LRRC27: variants seen among roughly 807,000 people sequenced by gnomAD.
LRRC27 encodes leucine-rich repeat-containing protein 27.
Under a neutral mutation model 55.0 loss-of-function variants are expected in LRRC27, and 57 were observed. That is an observed-to-expected ratio of 1.04 (90% CI 0.84 to 1.29). The LOEUF (loss-of-function observed/expected upper bound fraction) is 1.29. Ranked by LOEUF, LRRC27 falls within the 50% of genes most tolerant of loss-of-function variation. LRRC27 has a pLI of 0.00. For synonymous variants in LRRC27, 278 were observed against 251.9 expected (o/e 1.10, Z -0.98); for missense variants, 721 against 651.5 (o/e 1.11, Z -1.16).
At chr10:132,363,437 C>T (rs1321477772) in intron 9 of LRRC27, among the ~76,000 whole-genome samples, 1 of 152,180 alleles carries the variant, frequency 6.6e-6, no homozygotes, top group Non-Finnish European at 1.5e-5. Flanking sequence ...CAGGCTGACA[C>T]GGAGCCTCAG....
At chr10:132,364,818 C>A (rs79580845) in intron 9 of LRRC27, among the ~76,000 whole-genome samples, 71 of 11,708 alleles carry the variant, frequency 6.1e-3, no homozygotes, top group African/African-American at 0.018. Context: ...TTACACCCAC[C>A]CTTACATCTA....
chr10:132,347,885 A>AC, intron 5 of LRRC27, 99 bp from the exon 6 acceptor site: 2 of 1,435,582 alleles, frequency 1.4e-6, no homozygotes, highest in Admixed American at 4.5e-5. Context: ...GGATCTGGGC[A>AC]CCCCACCCCC....
chr10:132,338,713 T>TC (rs1371425717), intron 3 of LRRC27, among the ~76,000 whole-genome samples: 1 of 148,870 alleles, frequency 6.7e-6, no homozygotes, highest in African/African-American at 2.5e-5. Flanking sequence ...TTTCTTTCTT[T>TC]TTTTTTTTTT....
Position 132,337,806 on chromosome 10 carries a change from A to G in LRRC27, c.341+111A>G, listed in dbSNP as rs1053985381. The G allele has an allele frequency of 3.1e-6, 4 of 1,283,106 alleles. No homozygotes were observed. In the African/African-American group the frequency reaches 6.0e-5, roughly 19 times the overall value. The allele number at this position is 1,283,106 out of a possible 1,614,324, so 79.5% of individuals were successfully genotyped here. A position where few individuals can be genotyped will look rare whatever the true frequency, so the allele number is the denominator to read the frequency against. ...ATTAAATTTTTACCTCGGAATAGAAACATTTAATAGTATTTTTAAAGCCAG... is the reference window on the plus strand; with the variant it reads ...ATTAAATTTTTACCTCGGAATAGAAGCATTTAATAGTATTTTTAAAGCCAG... On this transcript the variant is annotated intron_variant, in intron 3 of 10. Coordinates refer to ENST00000368614, the MANE Select transcript of LRRC27 (RefSeq NM_030626.3).
rs974946397 is a variant in LRRC27 at position 132,378,389 on chromosome 10, T to C, written c.*3147T>C. On this transcript the variant is annotated 3_prime_UTR_variant, in exon 11 of 11. Coordinates refer to ENST00000368614, the MANE Select transcript of LRRC27 (RefSeq NM_030626.3). ...ATCTTTCATCAGTTTTGGAAAATTC[T>C]TAGCCATTTTTTTTTTTTTTACTAT... The C allele has an allele frequency of 2.0e-5, 3 of 152,102 alleles. No homozygotes were observed. Among genetic ancestry groups the C allele is most frequent in the African/African-American group, 7.2e-5 (3 of 41,408 alleles). 9.4% of individuals were successfully genotyped at this position (152,102 alleles called of 1,614,324 possible).
In LRRC27 at chr10:132,379,668, T is replaced by C. The variant is rs2069386622; in HGVS notation, c.*4426T>C. The C allele has an allele frequency of 6.6e-6, 1 of 152,340 alleles. No individual in the cohort carries two copies. Among genetic ancestry groups the C allele is most frequent in the Non-Finnish European group, 1.5e-5 (1 of 68,030 alleles). 9.4% of individuals were successfully genotyped at this position (152,340 alleles called of 1,614,324 possible). On this transcript the variant is annotated 3_prime_UTR_variant, in exon 11 of 11. Transcript: ENST00000368614. ...GGTAATTTTTTGTGGATGCCGATTC[T>C]CTGTTGAAATTCTCCATCTTTTCAT...
chr10:132,361,598 C>G (rs2133041287), intron 9 of LRRC27, 23 bp downstream of exon 9: 1 of 1,543,396 alleles, frequency 6.5e-7, no homozygotes, highest in Non-Finnish European at 9.0e-7. Flanking sequence ...AACTGGCACT[C>G]AGTCCTTCCA....
chr10:132,352,829 A>G, intron 7 of LRRC27: 1 of 1,597,688 alleles, frequency 6.3e-7, no homozygotes, highest in Non-Finnish European at 8.5e-7. Flanking sequence ...TGGCTTCCTC[A>G]CGACACCTGC....
rs142476727 is a variant in LRRC27 at position 132,332,298 on chromosome 10, G to T, written c.-49+42G>T. On this transcript the variant is annotated intron_variant, in intron 1 of 10. Transcript: ENST00000368614. ...ACGGCCAGCTCGCTGAGCCCTCGAG[G>T]CGGGCGGCGGCAGGAAGGTGGTGCC... 3 of 152,908 alleles carry T rather than the reference G, an allele frequency of 2.0e-5. No homozygotes were observed. In the East Asian group the frequency reaches 5.8e-4, roughly 30 times the overall value. The allele number at this position is 152,908 out of a possible 1,614,324, so 9.5% of individuals were successfully genotyped here.
At chr10:132,330,194 A>G (rs1457169495), upstream of LRRC27, 4 of 496,912 alleles carry the variant, frequency 8.0e-6, no homozygotes, top group East Asian at 3.6e-5. Flanking sequence ...ATGCTCGTAC[A>G]TACAATTAAC....
rs2069301364 is a variant in LRRC27 at position 132,374,600 on chromosome 10, G to A, written c.1417-466G>A. Among the ~76,000 whole-genome samples the A allele has an allele frequency of 6.6e-6, 1 of 152,208 alleles. No homozygotes were observed. Among genetic ancestry groups the A allele is most frequent in the Admixed American group, 6.5e-5 (1 of 15,290 alleles). On this transcript the variant is annotated intron_variant, in intron 10 of 10. Coordinates refer to ENST00000368614, the MANE Select transcript of LRRC27 (RefSeq NM_030626.3). The surrounding 1 kb of genome is among the most constrained non-coding windows in gnomAD (Gnocchi z 4.4). ...TCCACAGCTTCTGTGTCTGTGGGGT[G>A]GGGGTGGCAATTGTGGCCCCATCTG...
intron 2 of LRRC27, 141 bp from the exon 3 acceptor site, chr10:132,337,424 A>G (rs1590597843): frequency 2.1e-6 from 3 of 1,432,484 alleles, no homozygotes; most frequent in Non-Finnish European, 2.7e-6. Flanking sequence ...TTTTAAGGGT[A>G]AGAGATTGGG....
chr10:132,345,680 G>A (rs1244286218), intron 5 of LRRC27, among the ~76,000 whole-genome samples: 3 of 152,214 alleles, frequency 2.0e-5, no homozygotes, highest in Admixed American at 1.3e-4. Flanking sequence ...GCAGGTAGCT[G>A]AGGGCATGGG....
rs2069300885 is a variant in LRRC27, at chr10:132,374,581, G to A, written c.1417-485G>A. Among the ~76,000 whole-genome samples, 1 of 152,220 alleles carries A rather than the reference G, an allele frequency of 6.6e-6. No individual in the cohort carries two copies. Among genetic ancestry groups the A allele is most frequent in the Non-Finnish European group, 1.5e-5 (1 of 68,026 alleles). ...CTCCTGTAGGAACCCCTGATCCACA[G>A]CTTCTGTGTCTGTGGGGTGGGGGTG... On this transcript the variant is annotated intron_variant, in intron 10 of 10. Transcript: ENST00000368614. The surrounding 1 kb of genome is among the most constrained non-coding windows in gnomAD (Gnocchi z 4.4).
At chr10:132,339,005 C>T (rs1182471212) in intron 3 of LRRC27, among the ~76,000 whole-genome samples, 5 of 152,192 alleles carry the variant, frequency 3.3e-5, no homozygotes, top group Non-Finnish European at 5.9e-5. Flanking sequence ...CCCCCGCGCC[C>T]GGCTACCTGA....
In LRRC27 at chr10:132,364,519, GCACTTACA is replaced by G. The variant is rs2068890007; in HGVS notation, c.1290-903_1290-896del. The stretch of plus-strand genomic sequence containing the variant: ...CACCCTTACATCTACCTCCACACTC[GCACTTACA>G]CCCACACTTAAATCTACCTCCACAC... On this transcript the variant is annotated intron_variant, in intron 9 of 10. Transcript: ENST00000368614. 1.5e-3 allele frequency among the ~76,000 whole-genome samples: 12 copies of G among 7,776 alleles called. 1 individual carries two copies. The highest frequency in any genetic ancestry group is 6.1e-3 in the South Asian group (2 of 326). The allele number at this position is 7,776 out of a possible 152,430, so 5.1% of individuals were successfully genotyped here. A position where few individuals can be genotyped will look rare whatever the true frequency, so the allele number is the denominator to read the frequency against.
chr10:132,336,805 A>G (rs1195127316), intron 2 of LRRC27: 19 of 768,384 alleles, frequency 2.5e-5, no homozygotes, highest in Middle Eastern at 2.3e-4. Flanking sequence ...AAATACAGAT[A>G]TGGATATAAA....
chr10:132,344,017 A>G (rs564832673), intron 4 of LRRC27, among the ~76,000 whole-genome samples: 25 of 152,322 alleles, frequency 1.6e-4, no homozygotes, highest in African/African-American at 6.0e-4. Context: ...TTTTCTTCTA[A>G]TTAAACACAA....
rs776592631 is a variant in LRRC27, at chr10:132,344,511, G to A, written c.414G>A (p.Thr138=). 34 of 1,613,074 alleles carry A rather than the reference G, an allele frequency of 2.1e-5. No homozygotes were observed. The highest frequency in any genetic ancestry group is 2.4e-5 in the Non-Finnish European group (28 of 1,179,348). Residue 138 remains threonine, a synonymous_variant, in exon 5 of 11, where the codon ACG becomes ACA. Transcript: ENST00000368614. ...CCTCCACTGCAGGGAGCGTAACCACGCTGAAAGCACTGAACCTAAGACACT... is the reference window on the plus strand; with the variant it reads ...CCTCCACTGCAGGGAGCGTAACCACACTGAAAGCACTGAACCTAAGACACT... ...MLPVELGSVT[T]LKALNLRHCP... is the part of the protein sequence containing the mutation.
Sources: allele counts gnomAD v4.1 joint callset (sites outside exome capture counted in the v4.1 genomes callset), GRCh38; gene constraint gnomAD v4.1.1; non-coding constraint Gnocchi (gnomAD v3.1); transcripts MANE v1.5; gene names NCBI Gene and HGNC (gene_info 2026-07-23, HGNC 2026-07-21).